The following TMEM232 variants were observed in gnomAD, a reference collection of about 807,000 sequenced individuals.
TMEM232 encodes transmembrane protein 232.
Under a neutral mutation model 78.8 loss-of-function variants are expected in TMEM232, and 80 were observed. The observed-to-expected ratio is 1.01, with a 90% CI of 0.85 to 1.22. TMEM232 has a LOEUF of 1.22. TMEM232 is among the 50% of genes most tolerant of loss of function. The probability of loss-of-function intolerance (pLI) is 0.00; values close to 1 mark genes in which losing one functional copy is unlikely to be tolerated. For synonymous variants in TMEM232, 297 were observed against 254.3 expected, an observed-to-expected ratio of 1.17 and a Z score of -1.60; for missense variants, 881 against 742.2, an observed-to-expected ratio of 1.19 and a Z score of -2.17.
chr5:110,529,515 G>A (rs58504629), intron 11 of TMEM232, among the ~76,000 whole-genome samples: 5,748 of 152,144 alleles, frequency 0.038, 396 homozygotes, highest in African/African-American at 0.13. Context: ...CCAAAGTGCT[G>A]GGATTACAGG....
chr5:110,518,998 A>G (rs992973506), intron 12 of TMEM232, among the ~76,000 whole-genome samples: 1 of 152,196 alleles, frequency 6.6e-6, no homozygotes, highest in Non-Finnish European at 1.5e-5. Context: ...GTGAATAAAA[A>G]GAAAAAAATT....
intron 11 of TMEM232, among the ~76,000 whole-genome samples, chr5:110,546,386 A>G (rs1773785840): frequency 6.6e-6 from 1 of 152,092 alleles, no homozygotes; most frequent in Non-Finnish European, 1.5e-5. Flanking sequence ...TATAAATTGC[A>G]TATTTATTTT....
intron 2 of TMEM232, chr5:110,666,945 C>T (rs1790668980): frequency 4.7e-6 from 1 of 212,956 alleles, no homozygotes; most frequent in African/African-American, 2.3e-5. Context: ...AAATAAAATG[C>T]TTCATGATAC....
chr5:110,466,569 T>TTAAAG (rs1195252072), intron 12 of TMEM232, among the ~76,000 whole-genome samples: 8 of 152,084 alleles, frequency 5.3e-5, no homozygotes, highest in Admixed American at 1.3e-4. Context: ...CCCATATCCA[T>TTAAAG]TAAAGTATAT....
intron 3 of TMEM232, chr5:110,397,693 A>G (rs928254145): frequency 6.6e-6 from 1 of 151,866 alleles, no homozygotes; most frequent in Admixed American, 6.6e-5. Context: ...TATAAGAATA[A>G]GTTGGTTTCT....
At chr5:110,448,650 ATGAAG>A (rs897338226) in intron 12 of TMEM232, among the ~76,000 whole-genome samples, 1 of 152,054 alleles carries the variant, frequency 6.6e-6, no homozygotes, top group African/African-American at 2.4e-5. Flanking sequence ...ATACGAGAAG[ATGAAG>A]TGAAAAAGAA....
At chr5:110,697,108 C>G (rs1303709562) in intron 1 of TMEM232, among the ~76,000 whole-genome samples, 1 of 152,084 alleles carries the variant, frequency 6.6e-6, no homozygotes, top group Non-Finnish European at 1.5e-5. Context: ...AGATACAGAC[C>G]AACGGAACAC....
At chr5:110,673,689 T>C (rs1243815492) in intron 1 of TMEM232, among the ~76,000 whole-genome samples, 1 of 152,176 alleles carries the variant, frequency 6.6e-6, no homozygotes, top group Non-Finnish European at 1.5e-5. Flanking sequence ...TTGATTGCAC[T>C]GGGCTGACCT....
intron 12 of TMEM232, among the ~76,000 whole-genome samples, chr5:110,470,473 G>T (rs1762550894): frequency 6.6e-6 from 1 of 152,150 alleles, no homozygotes; most frequent in African/African-American, 2.4e-5. Context: ...GCATGCTGCA[G>T]CTGCTTAGGA....
chr5:110,634,988 A>G (rs1427833015), intron 5 of TMEM232, among the ~76,000 whole-genome samples: 1 of 152,062 alleles, frequency 6.6e-6, no homozygotes, highest in Non-Finnish European at 1.5e-5. Context: ...AAACATAATC[A>G]AAAGTGAAAA....
chr5:110,669,047 C>T (rs974435569), intron 1 of TMEM232, among the ~76,000 whole-genome samples: 1 of 151,920 alleles, frequency 6.6e-6, no homozygotes, highest in African/African-American at 2.4e-5. Context: ...CAATTGAAAC[C>T]CTAACATCAC....
intron 1 of TMEM232, among the ~76,000 whole-genome samples, chr5:110,737,005 A>C (rs1799244973): frequency 7.4e-6 from 1 of 135,386 alleles, no homozygotes; most frequent in Admixed American, 7.1e-5. Flanking sequence ...CTTATTCTAA[A>C]AAAAAAAAAA....
intron 3 of TMEM232, among the ~76,000 whole-genome samples, chr5:110,393,818 A>G (rs925908340): frequency 6.6e-6 from 1 of 151,788 alleles, no homozygotes; most frequent in East Asian, 1.9e-4. Context: ...TTAGCCAGGC[A>G]TGGTAGGCGG....
chr5:110,450,652 C>G (rs1489166355), intron 12 of TMEM232, among the ~76,000 whole-genome samples: 2 of 152,118 alleles, frequency 1.3e-5, no homozygotes, highest in Non-Finnish European at 2.9e-5. Flanking sequence ...TGAATCAGAA[C>G]AGAGGCTGGA....
intron 10 of TMEM232, among the ~76,000 whole-genome samples, chr5:110,595,526 G>C (rs1214166289): frequency 6.6e-6 from 1 of 152,118 alleles, no homozygotes; most frequent in Admixed American, 6.5e-5. Flanking sequence ...TAAGAATTTT[G>C]ATAAAAGGTT....
At position 110,698,724 on chromosome 5, in the gene TMEM232, G is replaced by T. The variant is rs377042718; in HGVS notation, c.-13+27903C>A. On this transcript the variant is annotated intron_variant, in intron 1 of 13. Coordinates refer to ENST00000455884, the MANE Select transcript of TMEM232 (RefSeq NM_001039763.4). Reference sequence around the variant, plus strand: ...AAGAGGAGTAGTACATCATGTGTTTGCTAAGTTCTCCCTAGGGTTATCCCT... The same window carrying T: ...AAGAGGAGTAGTACATCATGTGTTTTCTAAGTTCTCCCTAGGGTTATCCCT... Among the ~76,000 whole-genome samples the T allele has an allele frequency of 2.4e-3, 368 of 152,124 alleles. 1 individual carries two copies. Among genetic ancestry groups the T allele is most frequent in the African/African-American group, 8.5e-3 (355 of 41,542 alleles).
rs116643791 is a variant in TMEM232, at chr5:110,540,408, G to A, written c.1456-11573C>T. ...GGATACCTCTAGATGATGGAGGGAA[G>A]TTTAACCTAATACCATGCCACACTC... On this transcript the variant is annotated intron_variant, in intron 11 of 13. Transcript: ENST00000455884. 2.8e-3 allele frequency among the ~76,000 whole-genome samples: 421 copies of A among 152,274 alleles called. 3 individuals carry two copies. Among genetic ancestry groups the A allele is most frequent in the African/African-American group, 9.8e-3 (409 of 41,568 alleles).
chr5:110,687,154 A>C (rs1172247108), intron 1 of TMEM232, among the ~76,000 whole-genome samples: 3 of 152,148 alleles, frequency 2.0e-5, no homozygotes, highest in African/African-American at 7.2e-5. Flanking sequence ...GGGAGTTTGA[A>C]TAGTGCTGCC....
intron 11 of TMEM232, among the ~76,000 whole-genome samples, chr5:110,565,981 A>G (rs367764616): frequency 3.3e-5 from 5 of 152,024 alleles, no homozygotes; most frequent in African/African-American, 1.2e-4. Flanking sequence ...ACAGTTGTAA[A>G]TTGATCCTTT....
Sources: allele counts gnomAD v4.1 joint callset (sites outside exome capture counted in the v4.1 genomes callset), GRCh38; gene constraint gnomAD v4.1.1; transcripts MANE v1.5; gene names NCBI Gene and HGNC (gene_info 2026-07-23, HGNC 2026-07-21).